STK4: variants seen among roughly 807,000 people sequenced by gnomAD.
The protein encoded by STK4 is serine/threonine-protein kinase 4.
STK4 carries 30 observed loss-of-function variants against 64.9 expected under a neutral mutation model. The ratio of observed to expected loss-of-function variants is 0.46; its 90% CI spans 0.35 to 0.63. The LOEUF (loss-of-function observed/expected upper bound fraction) is 0.63, where lower values mean the gene tolerates loss of function less well. Among genes scored for constraint, STK4 ranks in the 20% least tolerant of loss-of-function variants. The probability of loss-of-function intolerance (pLI) is 0.01; values close to 1 mark genes in which losing one functional copy is unlikely to be tolerated. For synonymous variants in STK4, 177 were observed against 199.0 expected, an observed-to-expected ratio of 0.89 and a Z score of 0.93; for missense variants, 466 against 598.5, an observed-to-expected ratio of 0.78 and a Z score of 2.31.
intron 9 of STK4, among the ~76,000 whole-genome samples, chr20:45,015,052 G>A (rs2068116948): frequency 6.6e-6 from 1 of 152,212 alleles, no homozygotes; most frequent in African/African-American, 2.4e-5. Flanking sequence ...GGGCAACTAA[G>A]AGACATGTTT....
At chr20:45,024,126 T>A (rs1052018665) in intron 9 of STK4, among the ~76,000 whole-genome samples, 7 of 151,850 alleles carry the variant, frequency 4.6e-5, no homozygotes, top group African/African-American at 1.7e-4. Flanking sequence ...GGTCTCGATC[T>A]CCTGGCCTTG....
intron 4 of STK4, among the ~76,000 whole-genome samples, chr20:44,983,743 G>C (rs2067480948): frequency 6.6e-6 from 1 of 152,134 alleles, no homozygotes; most frequent in African/African-American, 2.4e-5. Context: ...AATAATATCT[G>C]TATTCCATAT....
At chr20:45,072,087 A>T (rs1471195700) in intron 10 of STK4, among the ~76,000 whole-genome samples, 3 of 152,102 alleles carry the variant, frequency 2.0e-5, no homozygotes, top group African/African-American at 7.2e-5. Flanking sequence ...AAAATGCAAA[A>T]TCCTGTACCT....
intron 3 of STK4, among the ~76,000 whole-genome samples, chr20:44,979,382 T>G (rs2067397670): frequency 6.6e-6 from 1 of 152,194 alleles, no homozygotes; most frequent in Non-Finnish European, 1.5e-5. Flanking sequence ...CGTATTTATT[T>G]TTGAGGAACT....
At chr20:45,049,157 T>C (rs1360372417) in intron 10 of STK4, among the ~76,000 whole-genome samples, 2 of 152,184 alleles carry the variant, frequency 1.3e-5, no homozygotes, top group Admixed American at 6.5e-5. Flanking sequence ...AGAGTTCACA[T>C]TGCAGAGCAT....
intron 6 of STK4, 135 bp from the exon 7 acceptor site, chr20:44,997,034 G>A: frequency 2.4e-6 from 3 of 1,254,708 alleles, no homozygotes; most frequent in Non-Finnish European, 3.3e-6. Context: ...ACTTTTGTTG[G>A]AATTTGGGTG....
chr20:44,990,168 T>G (rs911983449), intron 5 of STK4, among the ~76,000 whole-genome samples: 1 of 152,256 alleles, frequency 6.6e-6, no homozygotes, highest in African/African-American at 2.4e-5. Flanking sequence ...TTCCGATCTA[T>G]GAATATAAGC....
At chr20:44,998,698 C>T (rs1375543215) in intron 7 of STK4, among the ~76,000 whole-genome samples, 1 of 152,170 alleles carries the variant, frequency 6.6e-6, no homozygotes, top group Non-Finnish European at 1.5e-5. Context: ...TTACTTCAGC[C>T]TGACCCAGTT....
intron 10 of STK4, among the ~76,000 whole-genome samples, chr20:45,035,550 A>G (rs772295140): frequency 5.9e-5 from 9 of 152,186 alleles, no homozygotes; most frequent in Non-Finnish European, 1.2e-4. Context: ...TTCTTCTATA[A>G]AAAGAGTTGA....
chr20:44,997,399 A>G, intron 7 of STK4, 93 bp downstream of exon 7: 2 of 1,469,322 alleles, frequency 1.4e-6, no homozygotes, highest in South Asian at 1.4e-5. Flanking sequence ...ATAGTAAAGA[A>G]GTATAAGGCA....
At chr20:45,056,961 C>T (rs533842218) in intron 10 of STK4, among the ~76,000 whole-genome samples, 6 of 152,292 alleles carry the variant, frequency 3.9e-5, no homozygotes, top group East Asian at 1.9e-4. Context: ...CTGGGCAAGC[C>T]GTCGTTTACC....
intron 9 of STK4, among the ~76,000 whole-genome samples, chr20:45,003,313 T>A (rs2067874350): frequency 6.6e-6 from 1 of 152,154 alleles, no homozygotes; most frequent in Non-Finnish European, 1.5e-5. Context: ...GATTTAATAT[T>A]TAATATTGGA....
At chr20:44,990,569 C>T (rs2067614742) in intron 5 of STK4, among the ~76,000 whole-genome samples, 1 of 152,108 alleles carries the variant, frequency 6.6e-6, no homozygotes, top group East Asian at 1.9e-4. Context: ...GGTCTCTTGT[C>T]TAGAGGCTGT....
chr20:45,016,170 T>G (rs2068139089), intron 9 of STK4, among the ~76,000 whole-genome samples: 1 of 152,216 alleles, frequency 6.6e-6, no homozygotes, highest in Non-Finnish European at 1.5e-5. Flanking sequence ...GTCTGTGTTT[T>G]AAATTCCTTG....
At chr20:45,001,093 C>T in intron 8 of STK4, 74 bp from the exon 9 acceptor site, 1 of 1,447,434 alleles carries the variant, frequency 6.9e-7, no homozygotes, top group Non-Finnish European at 9.4e-7. Flanking sequence ...TTCACTAAGA[C>T]AGGTAGTAGT....
intron 1 of STK4, 70 bp downstream of exon 1, chr20:44,966,673 A>C: frequency 8.0e-7 from 1 of 1,254,472 alleles, no homozygotes; most frequent in Non-Finnish European, 1.0e-6. Flanking sequence ...GGTTGAGGGG[A>C]TACACCTGTG....
intron 9 of STK4, among the ~76,000 whole-genome samples, chr20:45,011,799 T>TA (rs2068056031): frequency 6.8e-6 from 1 of 146,386 alleles, no homozygotes. Context: ...TAAATAACAG[T>TA]AAAAATATAT....
intron 9 of STK4, among the ~76,000 whole-genome samples, chr20:45,002,821 A>T (rs910437760): frequency 6.6e-6 from 1 of 152,156 alleles, no homozygotes; most frequent in African/African-American, 2.4e-5. Flanking sequence ...AGTAAGGGGT[A>T]AAAAAGATTC....
At chr20:44,988,913 T>C (rs975185669) in intron 5 of STK4, among the ~76,000 whole-genome samples, 2 of 152,170 alleles carry the variant, frequency 1.3e-5, no homozygotes, top group Non-Finnish European at 2.9e-5. Context: ...CTGGCTTCTT[T>C]TGTTTAACAT....
Sources: gnomAD v4.1 joint callset for allele counts (sites outside exome capture counted in the v4.1 genomes callset) on GRCh38, gnomAD v4.1.1 for gene constraint, MANE v1.5 for transcripts, NCBI Gene and HGNC (gene_info 2026-07-23, HGNC 2026-07-21) for gene names.